The following EXOC1 variants were observed in gnomAD, a reference collection of about 807,000 sequenced individuals.
EXOC1 encodes SEC3-like 1.
Under a neutral mutation model 107.7 loss-of-function variants are expected in EXOC1, and 67 were observed. That is an observed-to-expected ratio of 0.62 (90% CI 0.51 to 0.76). The LOEUF is 0.76. Ranked by LOEUF, EXOC1 falls within the 30% of genes least tolerant of loss-of-function variation. EXOC1 has a pLI of 0.00. For missense variants in EXOC1, 833 were observed against 1,055.7 expected (o/e 0.79, Z 2.92); for synonymous variants, 348 against 353.5 (o/e 0.98, Z 0.17).
chr4:55,877,151 G>C, intron 8 of EXOC1: 1 of 980,788 alleles, frequency 1.0e-6, no homozygotes, highest in Non-Finnish European at 1.2e-6. Context: ...CGCTTATTTA[G>C]CTAATGTGTA....
chr4:55,902,605 T>G, intron 18 of EXOC1, 67 bp downstream of exon 18: 1 of 1,276,238 alleles, frequency 7.8e-7, no homozygotes, highest in Non-Finnish European at 1.0e-6. Flanking sequence ...TTTAAATAAT[T>G]TTCTAGAAAT....
chr4:55,893,424 A>T, intron 14 of EXOC1, 128 bp from the exon 15 acceptor site: 2 of 866,026 alleles, frequency 2.3e-6, no homozygotes, highest in Non-Finnish European at 3.5e-6. Context: ...CTGGCTATTT[A>T]GACATTTTTA....
At chr4:55,886,927 AAAATTATGCTAACGTACCAG>A (rs1457136793) in intron 10 of EXOC1, among the ~76,000 whole-genome samples, 1 of 152,180 alleles carries the variant, frequency 6.6e-6, no homozygotes, top group Non-Finnish European at 1.5e-5. Context: ...GAAATAATTC[AAAATTATGCTAACGTACCAG>A]GGAAGTAGCT....
At chr4:55,856,073 T>C (rs1007586665) in intron 1 of EXOC1, among the ~76,000 whole-genome samples, 1 of 152,150 alleles carries the variant, frequency 6.6e-6, no homozygotes, top group African/African-American at 2.4e-5. Flanking sequence ...ACAATAGTCA[T>C]GGGGAACGGA....
rs1424945039 is a variant in EXOC1, at chr4:55,890,322, T to G, written c.1475T>G (p.Leu492Arg). ...SGNRRSQSSSLLDMGNMSASD... is the reference protein window; with the variant it reads ...SGNRRSQSSSRLDMGNMSASD... ...AATCGCAGATCTCAGTCATCTTCCC[T>G]GTTGGATATGGGAAACATGTCTGCC... Residue 492 changes from leucine (L) to arginine (R), a missense_variant, in exon 12 of 19, where the codon CTG (leucine) becomes CGG (arginine). By Grantham distance (102) the Leu-to-Arg change is moderately radical. Around this residue, in one of 2 missense-constraint regions of EXOC1, gnomAD observed 617 missense variants for 701.3 expected, o/e 0.88. Transcript: ENST00000381295. The G allele has an allele frequency of 6.2e-7, 1 of 1,613,944 alleles. No homozygotes were observed. The highest frequency in any genetic ancestry group is 1.3e-5 in the African/African-American group (1 of 74,936).
At position 55,902,581 on chromosome 4, in the gene EXOC1, A is replaced by G. The variant is rs1003807328; in HGVS notation, c.2532+43A>G. On this transcript the variant is annotated intron_variant, in intron 18 of 18. Coordinates refer to ENST00000381295, the MANE Select transcript of EXOC1 (RefSeq NM_001024924.2). ...GACCATCTGACTTAAAGATCCTTAC[A>G]TATATTGCTTTTCTTTAAATAATTT... 7.9e-6 allele frequency: 11 copies of G among 1,386,734 alleles called. No individual in the cohort carries two copies. In the African/African-American group the frequency reaches 1.3e-4, roughly 17 times the overall value. 85.9% of individuals were successfully genotyped at this position (1,386,734 alleles called of 1,614,324 possible).
intron 9 of EXOC1, chr4:55,882,721 C>G (rs1723523062): frequency 6.6e-6 from 1 of 151,986 alleles, no homozygotes; most frequent in African/African-American, 2.4e-5. Context: ...AACTGTGAAT[C>G]AATATACAAA....
rs1475545143 is a variant in EXOC1, at chr4:55,893,624, A to G, written c.1797A>G (p.Ala599=). 3 of 1,614,108 alleles carry G rather than the reference A, an allele frequency of 1.9e-6. No homozygotes were observed. Among genetic ancestry groups the G allele is most frequent in the African/African-American group, 2.7e-5 (2 of 75,050 alleles). ...AGCCAGAGCTGAACAACCTAATTGC[A>G]TTAGGAGACAAAATTGATAGCTTTA... ...CIEPELNNLI[A]LGDKIDSFNS... is the part of the protein sequence containing the mutation. The change falls in exon 15 of 19, where the codon GCA becomes GCG. Residue 599 remains alanine (A), a synonymous_variant. Transcript: ENST00000381295.
intron 10 of EXOC1, among the ~76,000 whole-genome samples, chr4:55,884,661 G>T (rs547782781): frequency 4.6e-5 from 7 of 152,272 alleles, no homozygotes; most frequent in Admixed American, 2.0e-4. Flanking sequence ...GGAGTTTTGT[G>T]CCTATTCAAG....
rs1395520813 is a variant in EXOC1 at position 55,896,781 on chromosome 4, C to T, written c.2018C>T (p.Pro673Leu). The part of the protein sequence containing the change: ...ISKKSKVGIL[P>L]FVAEFEEFAG... Reference sequence around the variant, plus strand: ...AAAAAGAGTAAAGTTGGAATTCTTCCATTTGTTGCTGAATTTGAAGAATTT... The same window carrying T: ...AAAAAGAGTAAAGTTGGAATTCTTCTATTTGTTGCTGAATTTGAAGAATTT... The change falls in exon 16 of 19, where the codon CCA (proline) becomes CTA (leucine). Residue 673 changes from proline to leucine, a missense_variant. Transcript: ENST00000381295. The T allele has an allele frequency of 6.2e-7, 1 of 1,610,596 alleles. No homozygotes were observed. Among genetic ancestry groups the T allele is most frequent in the Admixed American group, 1.7e-5 (1 of 59,280 alleles).
Position 55,899,826 on chromosome 4 carries a change from C to T in EXOC1, c.2279C>T (p.Thr760Ile). The T allele has an allele frequency of 6.2e-7, 1 of 1,613,132 alleles. No homozygotes were observed. Among genetic ancestry groups the T allele is most frequent in the Non-Finnish European group, 8.5e-7 (1 of 1,179,658 alleles). The change falls in exon 17 of 19, where the codon ACA becomes ATA. Residue 760 changes from threonine (T) to isoleucine (I), a missense_variant. Physicochemically the swap from Thr to Ile is moderately conservative, Grantham distance 89. Coordinates refer to ENST00000381295, the MANE Select transcript of EXOC1 (RefSeq NM_001024924.2). Reference protein sequence around the residue: ...AEKKEAKQKYTDHLQSYVIYS... With the variant: ...AEKKEAKQKYIDHLQSYVIYS... Reference sequence around the variant, plus strand: ...AAAAAAGAAGCCAAACAAAAATACACAGATCACCTTCAGTCTTATGTCATT... The same window carrying T: ...AAAAAAGAAGCCAAACAAAAATACATAGATCACCTTCAGTCTTATGTCATT...
At chr4:55,876,343 G>A (rs1577719982) in intron 8 of EXOC1, 1 of 972,564 alleles carries the variant, frequency 1.0e-6, no homozygotes. Context: ...AATTCTGGGG[G>A]TCAGGAGTGT....
intron 8 of EXOC1, chr4:55,877,609 T>G (rs1469359170): frequency 1.1e-5 from 11 of 985,396 alleles, no homozygotes; most frequent in Non-Finnish European, 1.3e-5. Flanking sequence ...AAATATGGTA[T>G]GAGAGAGACA....
chr4:55,898,776 A>G lies in EXOC1; in HGVS notation c.2138-909A>G, dbSNP rs115811436. ...TTAGTATCTTTCTTAGTTAGTTAATATAGATAAACATAATCATTTTTAATG... is the reference window on the plus strand; with the variant it reads ...TTAGTATCTTTCTTAGTTAGTTAATGTAGATAAACATAATCATTTTTAATG... On this transcript the variant is annotated intron_variant, in intron 16 of 18. Transcript: ENST00000381295. Among the ~76,000 whole-genome samples, 663 of 152,308 alleles carry G rather than the reference A, an allele frequency of 4.4e-3. 3 individuals are homozygous for G. The highest frequency in any genetic ancestry group is 0.015 in the African/African-American group (613 of 41,560).
At chr4:55,876,800 A>G in intron 8 of EXOC1, 1 of 984,224 alleles carries the variant, frequency 1.0e-6, no homozygotes, top group Non-Finnish European at 1.2e-6. Context: ...TAATTTCTGT[A>G]TAATGGGTCC....
At chr4:55,877,110 C>T (rs13147883) in intron 8 of EXOC1, 230,369 of 970,224 alleles carry the variant, frequency 0.24, 28,128 homozygotes, top group Non-Finnish European at 0.25. Flanking sequence ...GAAAGAAATC[C>T]CTTTTAACTT....
At chr4:55,882,549 A>G (rs1019320681) in intron 9 of EXOC1, among the ~76,000 whole-genome samples, 1 of 152,244 alleles carries the variant, frequency 6.6e-6, no homozygotes, top group Admixed American at 6.5e-5. Context: ...ATGGGAAATA[A>G]TTGCCCATTT....
intron 11 of EXOC1, among the ~76,000 whole-genome samples, chr4:55,889,557 T>C (rs918522776): frequency 2.0e-5 from 3 of 152,206 alleles, no homozygotes; most frequent in Non-Finnish European, 4.4e-5. Context: ...TGTATTACAT[T>C]TCGGCTGTAT....
chr4:55,894,324 CAAAAAAA>C (rs200900566), intron 15 of EXOC1, among the ~76,000 whole-genome samples: 1 of 80,096 alleles, frequency 1.2e-5, no homozygotes, highest in East Asian at 3.4e-4. Flanking sequence ...AAGACTGTGT[CAAAAAAA>C]AAAAAAAAAA....
Sources: allele counts gnomAD v4.1 joint callset (sites outside exome capture counted in the v4.1 genomes callset), GRCh38; gene constraint gnomAD v4.1.1; regional missense constraint gnomAD v4.1.1; transcripts MANE v1.5; gene names NCBI Gene and HGNC (gene_info 2026-07-23, HGNC 2026-07-21).